The following OTC variants were observed in gnomAD, a reference collection of about 807,000 sequenced individuals.
OTC encodes ornithine transcarbamylase, also known as ornithine transcarbamylase, mitochondrial.
OTC carries 3 observed loss-of-function variants against 30.3 expected under a neutral mutation model. The observed-to-expected ratio is 0.10, with a 90% CI of 0.05 to 0.26. The LOEUF is 0.26. Among genes scored for constraint, OTC ranks in the 10% least tolerant of loss-of-function variants. OTC has a pLI of 1.00. For missense variants in OTC, 194 were observed against 260.3 expected, an observed-to-expected ratio of 0.75 and a Z score of 1.75; for synonymous variants, 111 against 99.7, an observed-to-expected ratio of 1.11 and a Z score of -0.67.
intron 1 of OTC, among the ~76,000 whole-genome samples, chrX:38,364,697 C>A (rs1243313478): frequency 9.1e-6 from 1 of 109,593 alleles, no homozygotes; most frequent in Non-Finnish European, 1.9e-5. Flanking sequence ...GAGGCTGAGG[C>A]ACAAGAATTG....
At chrX:38,352,041 G>A (rs748647389), upstream of OTC, among the ~76,000 whole-genome samples, 2 of 112,465 alleles carry the variant, frequency 1.8e-5, no homozygotes, top group African/African-American at 3.2e-5. Flanking sequence ...GATTACAGGC[G>A]TGAGCCACCG....
chrX:38,370,824 A>G (rs2068319545), intron 3 of OTC, among the ~76,000 whole-genome samples: 1 of 111,031 alleles, frequency 9.0e-6, no homozygotes, highest in Non-Finnish European at 1.9e-5. Flanking sequence ...GTTTTGTGAC[A>G]AGGACCCCAT....
At chrX:38,382,186 AG>A (rs1224287727) in intron 4 of OTC, among the ~76,000 whole-genome samples, 1 of 111,772 alleles carries the variant, frequency 8.9e-6, no homozygotes, top group Non-Finnish European at 1.9e-5. Context: ...ATATTTCATT[AG>A]GAAGTACTAG....
the OTC span, among the ~76,000 whole-genome samples, chrX:38,346,345 T>A: frequency 8.9e-6 from 1 of 112,275 alleles, no homozygotes; most frequent in Non-Finnish European, 1.9e-5. Flanking sequence ...CATGCATTAC[T>A]GCTGAGATTG....
intron 4 of OTC, among the ~76,000 whole-genome samples, chrX:38,387,418 CTG>C (rs936724655): frequency 8.9e-6 from 1 of 112,160 alleles, no homozygotes; most frequent in Non-Finnish European, 1.9e-5. Flanking sequence ...AGAGAAAAAA[CTG>C]TATTGTTCTT....
intron 3 of OTC, among the ~76,000 whole-genome samples, chrX:38,371,894 C>T (rs758173581): frequency 8.9e-6 from 1 of 112,346 alleles, no homozygotes; most frequent in East Asian, 2.8e-4. Context: ...TGCTCCCTTT[C>T]AACACTAGTA....
At chrX:38,329,526 A>G in the OTC span, among the ~76,000 whole-genome samples, 1 of 111,722 alleles carries the variant, frequency 9.0e-6, no homozygotes, top group Non-Finnish European at 1.9e-5. Flanking sequence ...GGAAACCCCA[A>G]CTTTCCATAC....
chrX:38,390,187 C>T (rs1456322169), intron 4 of OTC, among the ~76,000 whole-genome samples: 2 of 112,323 alleles, frequency 1.8e-5, no homozygotes, highest in Non-Finnish European at 3.8e-5. Context: ...TTCAACATCT[C>T]TGGCTTCTTC....
intron 6 of OTC, among the ~76,000 whole-genome samples, chrX:38,407,100 G>C (rs2068518939): frequency 8.9e-6 from 1 of 112,779 alleles, no homozygotes; most frequent in African/African-American, 3.2e-5. Context: ...AGGAGTAAGA[G>C]GGAGAAGCTG....
upstream of OTC, among the ~76,000 whole-genome samples, chrX:38,351,754 TTTTC>T (rs774295411): frequency 4.4e-3 from 486 of 111,433 alleles, 5 homozygotes; most frequent in African/African-American, 0.015. Flanking sequence ...TTTCTTTTCT[TTTTC>T]TTTCTTTCTT....
intron 4 of OTC, among the ~76,000 whole-genome samples, chrX:38,398,327 G>A (rs180747444): frequency 8.9e-6 from 1 of 111,982 alleles, no homozygotes; most frequent in African/African-American, 3.2e-5. Flanking sequence ...GATAATGTCT[G>A]CATGTGACAC....
rs3215429 is a variant in OTC, at chrX:38,412,124, A to AT, written c.1005+132dup. The AT allele has an allele frequency of 0.42, 271,032 of 645,838 alleles. 45,303 individuals carry two copies. Among genetic ancestry groups the AT allele is most frequent in the African/African-American group, 0.82 (36,288 of 44,227 alleles). The allele number at this position is 645,838 out of a possible 1,213,427, so 53.2% of individuals were successfully genotyped here. Reference sequence around the variant, plus strand: ...TACATTACTTGCTCATGTAACATCTATTTTTTTCCAGAAACTTTATAATAC... The same window carrying AT: ...TACATTACTTGCTCATGTAACATCTATTTTTTTTCCAGAAACTTTATAATAC... On this transcript the variant is annotated intron_variant, in intron 9 of 9. Coordinates refer to ENST00000039007, the MANE Select transcript of OTC (RefSeq NM_000531.6).
chrX:38,381,043 T>C (rs1364747344), intron 3 of OTC, among the ~76,000 whole-genome samples: 1 of 112,412 alleles, frequency 8.9e-6, no homozygotes, highest in Non-Finnish European at 1.9e-5. Flanking sequence ...TTATATATTT[T>C]AGAGAACCAA....
At chrX:38,335,231 C>T in the OTC span, among the ~76,000 whole-genome samples, 1 of 112,494 alleles carries the variant, frequency 8.9e-6, no homozygotes, top group East Asian at 2.8e-4. Context: ...GCTGCTTACT[C>T]TCTGTCTCTG....
chrX:38,332,742 G>T, the OTC span, among the ~76,000 whole-genome samples: 126 of 108,590 alleles, frequency 1.2e-3, no homozygotes, highest in Non-Finnish European at 2.0e-3. Flanking sequence ...TTAACACAAA[G>T]AAGTTTCTTT....
chrX:38,402,822 T>G (rs1025410912), intron 5 of OTC, among the ~76,000 whole-genome samples: 1 of 110,765 alleles, frequency 9.0e-6, no homozygotes, highest in Non-Finnish European at 1.9e-5. Context: ...TTTTTGTTAT[T>G]ATTATTATTT....
downstream of OTC, among the ~76,000 whole-genome samples, chrX:38,421,920 T>C (rs1034072461): frequency 1.0e-5 from 1 of 97,370 alleles, no homozygotes; most frequent in Non-Finnish European, 2.0e-5. Flanking sequence ...TTTTAGCCAA[T>C]CTTTTTCCTC....
At chrX:38,411,364 GAA>G (rs368378566) in intron 8 of OTC, among the ~76,000 whole-genome samples, 5,237 of 56,487 alleles carry the variant, frequency 0.093, 419 homozygotes, top group African/African-American at 0.28. Context: ...AATTTAAAAA[GAA>G]AAAAAAAAAA....
At chrX:38,403,175 A>G (rs1200544498) in intron 5 of OTC, among the ~76,000 whole-genome samples, 2 of 111,773 alleles carry the variant, frequency 1.8e-5, no homozygotes. Context: ...CTGAGCCACT[A>G]TGCTACACTG....
Sources: gnomAD v4.1 joint callset for allele counts (sites outside exome capture counted in the v4.1 genomes callset) on GRCh38, gnomAD v4.1.1 for gene constraint, MANE v1.5 for transcripts, NCBI Gene and HGNC (gene_info 2026-07-23, HGNC 2026-07-21) for gene names.